B3GALT1: variants seen among roughly 807,000 people sequenced by gnomAD.
B3GALT1 encodes the protein beta-1,3-galactosyltransferase 1, also known as UDP-Gal:betaGlcNAc beta 1,3-galactosyltransferase, polypeptide 1.
B3GALT1 carries 10 observed loss-of-function variants against 23.2 expected under a neutral mutation model. That is an observed-to-expected ratio of 0.43 (90% CI 0.27 to 0.73). The LOEUF (loss-of-function observed/expected upper bound fraction) is 0.73. Ranked by LOEUF, B3GALT1 falls within the 30% of genes least tolerant of loss-of-function variation. B3GALT1 has a pLI of 0.21. For synonymous variants in B3GALT1, 156 were observed against 141.5 expected, an observed-to-expected ratio of 1.10 and a Z score of -0.73; for missense variants, 299 against 405.4, an observed-to-expected ratio of 0.74 and a Z score of 2.25.
intron 3 of B3GALT1, among the ~76,000 whole-genome samples, chr2:167,679,115 T>C (rs927341455): frequency 1.6e-4 from 19 of 118,236 alleles, no homozygotes; most frequent in Admixed American, 3.8e-4. Flanking sequence ...TTTGTTTTTT[T>C]GTTTTTGTTT....
At chr2:167,867,411 G>A (rs1690256264) in intron 4 of B3GALT1, among the ~76,000 whole-genome samples, 1 of 152,138 alleles carries the variant, frequency 6.6e-6, no homozygotes, top group African/African-American at 2.4e-5. Flanking sequence ...TGGGTTGGAT[G>A]AAGGCCTAAC....
At chr2:167,564,410 C>T (rs1369743456) in intron 2 of B3GALT1, among the ~76,000 whole-genome samples, 2 of 151,664 alleles carry the variant, frequency 1.3e-5, no homozygotes, top group African/African-American at 2.4e-5. Flanking sequence ...CTCCCCACAT[C>T]CCAGACGATG....
intron 1 of B3GALT1, among the ~76,000 whole-genome samples, chr2:167,315,467 A>G (rs1696701786): frequency 6.6e-6 from 1 of 152,110 alleles, no homozygotes; most frequent in African/African-American, 2.4e-5. Flanking sequence ...GGTTGTCACC[A>G]ACTTTATTAT....
chr2:167,477,477 G>T (rs1026386837), intron 1 of B3GALT1, among the ~76,000 whole-genome samples: 3 of 152,288 alleles, frequency 2.0e-5, no homozygotes, highest in African/African-American at 7.2e-5. Flanking sequence ...TAGGTGATTA[G>T]ACAGAAGAAA....
intron 3 of B3GALT1, among the ~76,000 whole-genome samples, chr2:167,809,388 C>T (rs751910461): frequency 1.4e-4 from 21 of 152,168 alleles, no homozygotes; most frequent in Non-Finnish European, 2.5e-4. Context: ...AGTTTTTCTG[C>T]TCTGTTTTTT....
At chr2:167,708,793 G>A (rs1687007239) in intron 3 of B3GALT1, among the ~76,000 whole-genome samples, 1 of 152,172 alleles carries the variant, frequency 6.6e-6, no homozygotes, top group South Asian at 2.1e-4. Context: ...GATGTGCCCA[G>A]TTTCTCATTT....
chr2:167,703,757 A>T (rs1384699626), intron 3 of B3GALT1, among the ~76,000 whole-genome samples: 1 of 152,198 alleles, frequency 6.6e-6, no homozygotes, highest in Admixed American at 6.5e-5. Context: ...AGATATTTAA[A>T]AACAAAGGGC....
At chr2:167,834,498 A>G (rs1689417780) in intron 4 of B3GALT1, among the ~76,000 whole-genome samples, 1 of 152,228 alleles carries the variant, frequency 6.6e-6, no homozygotes, top group Non-Finnish European at 1.5e-5. Flanking sequence ...TAGAGACTTC[A>G]GTTCTAGGTT....
chr2:167,741,075 C>T (rs567686445), intron 3 of B3GALT1, among the ~76,000 whole-genome samples: 5 of 152,294 alleles, frequency 3.3e-5, no homozygotes, highest in African/African-American at 1.2e-4. Context: ...CTTCTGGAAT[C>T]ACTTTTCTTT....
intron 1 of B3GALT1, among the ~76,000 whole-genome samples, chr2:167,303,197 T>C (rs567212226): frequency 1.5e-4 from 23 of 152,200 alleles, no homozygotes; most frequent in Non-Finnish European, 2.9e-4. Flanking sequence ...TTTCAGAACA[T>C]AAGGTAGGGC....
At chr2:167,519,109 T>A (rs1375170873) in intron 2 of B3GALT1, among the ~76,000 whole-genome samples, 1 of 152,080 alleles carries the variant, frequency 6.6e-6, no homozygotes, top group African/African-American at 2.4e-5. Context: ...ATGTAGCTTG[T>A]CTACTGGACA....
chr2:167,786,809 CT>C (rs1050103702), intron 3 of B3GALT1, among the ~76,000 whole-genome samples: 28 of 152,176 alleles, frequency 1.8e-4, no homozygotes, highest in Non-Finnish European at 2.6e-4. Context: ...GTTCTTACCC[CT>C]GGCTGCAATT....
intron 4 of B3GALT1, among the ~76,000 whole-genome samples, chr2:167,835,517 C>T (rs531001367): frequency 9.8e-5 from 15 of 152,348 alleles, no homozygotes; most frequent in Non-Finnish European, 1.2e-4. Context: ...CTTAGGTAAA[C>T]AAAGCAGCTG....
chr2:167,632,588 T>G (rs567375834), intron 2 of B3GALT1, among the ~76,000 whole-genome samples: 5 of 152,232 alleles, frequency 3.3e-5, no homozygotes, highest in Admixed American at 1.3e-4. Context: ...GCTGCATAAA[T>G]GTCTTCTTCT....
chr2:167,722,099 C>A (rs983180035), intron 3 of B3GALT1, among the ~76,000 whole-genome samples: 1 of 152,172 alleles, frequency 6.6e-6, no homozygotes, highest in Non-Finnish European at 1.5e-5. Flanking sequence ...AAGGAGTCAA[C>A]TAATTAGTCT....
At chr2:167,496,271 G>C (rs1699781998) in intron 2 of B3GALT1, among the ~76,000 whole-genome samples, 1 of 152,158 alleles carries the variant, frequency 6.6e-6, no homozygotes, top group African/African-American at 2.4e-5. Context: ...GTGATTGGTA[G>C]TCATACTGAG....
intron 1 of B3GALT1, among the ~76,000 whole-genome samples, chr2:167,437,912 T>C (rs1698812774): frequency 6.6e-6 from 1 of 152,150 alleles, no homozygotes; most frequent in South Asian, 2.1e-4. Context: ...CACTGGAAAA[T>C]TAAAGTCTGT....
At chr2:167,522,234 G>C (rs1159775352) in intron 2 of B3GALT1, among the ~76,000 whole-genome samples, 2 of 151,808 alleles carry the variant, frequency 1.3e-5, no homozygotes, top group East Asian at 1.9e-4. Context: ...CAGCCTACTG[G>C]AGGCTGCGTT....
At chr2:167,436,412 G>T (rs950363991) in intron 1 of B3GALT1, among the ~76,000 whole-genome samples, 10 of 151,938 alleles carry the variant, frequency 6.6e-5, no homozygotes, top group Non-Finnish European at 1.2e-4. Flanking sequence ...AGGTTTCTAC[G>T]AATACTTGTC....
Sources: gnomAD v4.1 joint callset for allele counts (sites outside exome capture counted in the v4.1 genomes callset) on GRCh38, gnomAD v4.1.1 for gene constraint, MANE v1.5 for transcripts, NCBI Gene and HGNC (gene_info 2026-07-23, HGNC 2026-07-21) for gene names.